LRMDA: variants seen among roughly 807,000 people sequenced by gnomAD.
The protein encoded by LRMDA is leucine rich melanocyte differentiation associated.
LRMDA carries 18 observed loss-of-function variants against 29.8 expected under a neutral mutation model. The ratio of observed to expected loss-of-function variants is 0.60; its 90% CI spans 0.42 to 0.90. The LOEUF (loss-of-function observed/expected upper bound fraction) is 0.90, where lower values mean the gene tolerates loss of function less well. Among genes scored for constraint, LRMDA ranks in the 40% least tolerant of loss-of-function variants. The pLI is 0.00. For synonymous variants in LRMDA, 125 were observed against 109.4 expected (o/e 1.14, Z -0.89); for missense variants, 273 against 273.9 (o/e 1.00, Z 0.02).
intron 6 of LRMDA, among the ~76,000 whole-genome samples, chr10:76,534,671 A>T (rs1236840331): frequency 6.6e-6 from 1 of 152,242 alleles, no homozygotes; most frequent in Non-Finnish European, 1.5e-5. Flanking sequence ...ATGACAGATT[A>T]TCAAGGCATA....
At chr10:76,302,720 T>TA (rs1840496912) in intron 5 of LRMDA, among the ~76,000 whole-genome samples, 1 of 152,210 alleles carries the variant, frequency 6.6e-6, no homozygotes, top group African/African-American at 2.4e-5. Flanking sequence ...GACCCTGAAC[T>TA]AACACTTGAT....
chr10:76,505,865 G>A (rs1842954417), intron 6 of LRMDA, among the ~76,000 whole-genome samples: 1 of 152,142 alleles, frequency 6.6e-6, no homozygotes, highest in Non-Finnish European at 1.5e-5. Context: ...TTCTTGCATG[G>A]ATTCTTTCTC....
chr10:76,367,548 G>A (rs1014890764), intron 6 of LRMDA, among the ~76,000 whole-genome samples: 17 of 151,544 alleles, frequency 1.1e-4, no homozygotes, highest in South Asian at 6.3e-4. Flanking sequence ...CCTCAGCCTC[G>A]CAAGTAGCTG....
intron 3 of LRMDA, among the ~76,000 whole-genome samples, chr10:76,044,030 T>C (rs1206867363): frequency 6.6e-6 from 1 of 152,200 alleles, no homozygotes; most frequent in African/African-American, 2.4e-5. Flanking sequence ...GTCAGCACCA[T>C]TCTGGTAGCC....
At chr10:75,506,613 T>C (rs1318881048) in intron 2 of LRMDA, among the ~76,000 whole-genome samples, 44 of 152,104 alleles carry the variant, frequency 2.9e-4, no homozygotes, top group Admixed American at 2.4e-3. Context: ...TGGTCCCCAA[T>C]TGGGTTGGTT....
At chr10:76,432,855 C>G (rs576762124) in intron 6 of LRMDA, among the ~76,000 whole-genome samples, 11 of 152,156 alleles carry the variant, frequency 7.2e-5, no homozygotes, top group African/African-American at 2.7e-4. Flanking sequence ...CCTCATTGCC[C>G]CCTCCCCACA....
chr10:76,217,169 T>A (rs796344573), intron 5 of LRMDA, among the ~76,000 whole-genome samples: 5 of 152,340 alleles, frequency 3.3e-5, no homozygotes, highest in African/African-American at 1.2e-4. Flanking sequence ...TATGTATCGA[T>A]ACAAATATGT....
At chr10:76,526,208 G>C (rs1193623376) in intron 6 of LRMDA, among the ~76,000 whole-genome samples, 1 of 152,166 alleles carries the variant, frequency 6.6e-6, no homozygotes, top group African/African-American at 2.4e-5. Flanking sequence ...CTAACAAATA[G>C]TGACTGAAAT....
chr10:75,961,856 T>A (rs1846772873), intron 2 of LRMDA, among the ~76,000 whole-genome samples: 1 of 152,222 alleles, frequency 6.6e-6, no homozygotes, highest in Non-Finnish European at 1.5e-5. Context: ...TCAGTCGGGT[T>A]ACTTCCTTCT....
intron 2 of LRMDA, among the ~76,000 whole-genome samples, chr10:75,893,005 C>T (rs1422820126): frequency 6.6e-6 from 1 of 152,136 alleles, no homozygotes; most frequent in Non-Finnish European, 1.5e-5. Flanking sequence ...AATTAAGCCA[C>T]CACTGCATCT....
At chr10:75,470,047 C>T (rs988219068) in intron 2 of LRMDA, among the ~76,000 whole-genome samples, 5 of 152,240 alleles carry the variant, frequency 3.3e-5, no homozygotes, top group African/African-American at 1.2e-4. Context: ...TAATACTTTT[C>T]CCTCTTTTCC....
intron 2 of LRMDA, among the ~76,000 whole-genome samples, chr10:75,878,074 ATG>A (rs1180576580): frequency 6.6e-6 from 1 of 152,130 alleles, no homozygotes; most frequent in Non-Finnish European, 1.5e-5. Flanking sequence ...CTAGGGTTGA[ATG>A]TTTACAGCTC....
intron 5 of LRMDA, among the ~76,000 whole-genome samples, chr10:76,312,058 C>T (rs1052294403): frequency 4.6e-5 from 7 of 152,174 alleles, no homozygotes; most frequent in Admixed American, 1.3e-4. Context: ...CTGATTTCCC[C>T]CATCATTCAT....
At chr10:76,542,330 T>G (rs1843367166) in intron 6 of LRMDA, among the ~76,000 whole-genome samples, 2 of 152,212 alleles carry the variant, frequency 1.3e-5, no homozygotes. Flanking sequence ...CGCTCAATTT[T>G]TTTTGGAGGG....
intron 5 of LRMDA, among the ~76,000 whole-genome samples, chr10:76,274,820 T>C (rs1464970060): frequency 6.6e-6 from 1 of 152,196 alleles, no homozygotes; most frequent in Non-Finnish European, 1.5e-5. Context: ...GCTTTTCTGC[T>C]CTGAAGGATG....
At chr10:75,816,071 A>T (rs954422799) in intron 2 of LRMDA, among the ~76,000 whole-genome samples, 14 of 152,220 alleles carry the variant, frequency 9.2e-5, no homozygotes, top group Admixed American at 5.9e-4. Flanking sequence ...ATGATCTTTC[A>T]TGTGACATCA....
chr10:76,416,804 C>G (rs1457877916), intron 6 of LRMDA, among the ~76,000 whole-genome samples: 1 of 152,198 alleles, frequency 6.6e-6, no homozygotes, highest in Non-Finnish European at 1.5e-5. Context: ...CACACATACA[C>G]CCTGTTGGTT....
intron 2 of LRMDA, among the ~76,000 whole-genome samples, chr10:75,886,259 C>A (rs552358604): frequency 6.6e-6 from 1 of 152,262 alleles, no homozygotes; most frequent in African/African-American, 2.4e-5. Context: ...GCATGACACC[C>A]AAGCATGTGA....
At chr10:76,353,969 A>G (rs1841209345) in intron 6 of LRMDA, among the ~76,000 whole-genome samples, 1 of 152,080 alleles carries the variant, frequency 6.6e-6, no homozygotes, top group Admixed American at 6.6e-5. Flanking sequence ...GCTGTTCTGT[A>G]TTTTGAGTAT....
Sources: allele counts gnomAD v4.1 joint callset (sites outside exome capture counted in the v4.1 genomes callset), GRCh38; gene constraint gnomAD v4.1.1; transcripts MANE v1.5; gene names NCBI Gene and HGNC (gene_info 2026-07-23, HGNC 2026-07-21).